The following SEMA3C variants were observed in gnomAD, a reference collection of about 807,000 sequenced individuals.
SEMA3C encodes the protein semaphorin 3C, also known as semaphorin-3C.
In SEMA3C, 47 loss-of-function variants were observed where a neutral mutation model predicts 89.4. The observed-to-expected ratio is 0.53, with a 90% CI of 0.42 to 0.67. SEMA3C has a LOEUF of 0.67. Ranked by LOEUF, SEMA3C falls within the 30% of genes least tolerant of loss-of-function variation. The probability of loss-of-function intolerance (pLI) is 0.00; values close to 1 mark genes in which losing one functional copy is unlikely to be tolerated. For synonymous variants in SEMA3C, 310 were observed against 320.2 expected, an observed-to-expected ratio of 0.97 and a Z score of 0.34; for missense variants, 839 against 929.1, an observed-to-expected ratio of 0.90 and a Z score of 1.26.
chr7:80,763,425 C>T (rs1788229633), intron 13 of SEMA3C, among the ~76,000 whole-genome samples: 1 of 152,160 alleles, frequency 6.6e-6, no homozygotes, highest in Non-Finnish European at 1.5e-5. Flanking sequence ...ATATCAATCA[C>T]TGGCACACAC....
intron 17 of SEMA3C, among the ~76,000 whole-genome samples, chr7:80,745,929 G>A (rs142674781): frequency 6.6e-6 from 1 of 152,132 alleles, no homozygotes; most frequent in Non-Finnish European, 1.5e-5. Flanking sequence ...CCTCTAAGTG[G>A]TTTTACTTTA....
chr7:80,773,204 T>C (rs1281031700), intron 12 of SEMA3C, among the ~76,000 whole-genome samples: 2 of 152,178 alleles, frequency 1.3e-5, no homozygotes, highest in East Asian at 1.9e-4. Flanking sequence ...TATTAAATTA[T>C]TGACTTACTT....
intron 2 of SEMA3C, among the ~76,000 whole-genome samples, chr7:80,903,551 A>G (rs528178457): frequency 5.9e-5 from 9 of 152,170 alleles, no homozygotes; most frequent in African/African-American, 2.2e-4. Context: ...ATTTCCAGCT[A>G]CTCAGGAGGC....
chr7:80,877,315 A>G (rs1450831952), intron 2 of SEMA3C, among the ~76,000 whole-genome samples: 1 of 152,140 alleles, frequency 6.6e-6, no homozygotes, highest in Non-Finnish European at 1.5e-5. Context: ...AAGTGCCCTA[A>G]TTTATTATCT....
chr7:80,841,249 A>C (rs1333452311), intron 2 of SEMA3C, among the ~76,000 whole-genome samples: 1 of 152,196 alleles, frequency 6.6e-6, no homozygotes, highest in Non-Finnish European at 1.5e-5. Flanking sequence ...AGATTGCTTC[A>C]TGATACAATA....
intron 2 of SEMA3C, among the ~76,000 whole-genome samples, chr7:80,832,612 C>T (rs1790032880): frequency 6.6e-6 from 1 of 152,076 alleles, no homozygotes; most frequent in Non-Finnish European, 1.5e-5. Flanking sequence ...TAAAAACTGG[C>T]ACACACAAAA....
chr7:80,872,715 C>A (rs757360405), intron 2 of SEMA3C, among the ~76,000 whole-genome samples: 4 of 147,926 alleles, frequency 2.7e-5, no homozygotes, highest in African/African-American at 1.0e-4. Context: ...ACAGGAGAAT[C>A]GCTTGAACCC....
In SEMA3C at chr7:80,748,897, C is replaced by T; in HGVS notation, c.1842+1G>A. The T allele has an allele frequency of 1.2e-6, 2 of 1,609,778 alleles. No homozygotes were observed. The highest frequency in any genetic ancestry group is 1.7e-6 in the Non-Finnish European group (2 of 1,178,252). On this transcript the variant is annotated splice_donor_variant, in intron 17 of 17. Transcript: ENST00000265361. LOFTEE classifies it high-confidence loss of function. ...GATTGCTGCTGTGCTGCTTTACTCA[C>T]CTCTTTCCTCCTGTCTTTGTCTTTC...
chr7:80,884,821 G>A (rs1791434617), intron 2 of SEMA3C, among the ~76,000 whole-genome samples: 1 of 152,202 alleles, frequency 6.6e-6, no homozygotes, highest in Non-Finnish European at 1.5e-5. Context: ...TCACAAGATT[G>A]TGATAACAAA....
At chr7:80,901,259 TA>T (rs1361264258) in intron 2 of SEMA3C, among the ~76,000 whole-genome samples, 4 of 152,142 alleles carry the variant, frequency 2.6e-5, no homozygotes, top group Non-Finnish European at 4.4e-5. Context: ...CTGTGAAAAA[TA>T]AAAACTATCC....
At chr7:80,869,651 T>C (rs1791010963) in intron 2 of SEMA3C, among the ~76,000 whole-genome samples, 2 of 152,196 alleles carry the variant, frequency 1.3e-5, no homozygotes, top group Non-Finnish European at 2.9e-5. Context: ...GCTTTTTGAT[T>C]AACATGTTTT....
intron 12 of SEMA3C, among the ~76,000 whole-genome samples, chr7:80,768,833 T>C (rs1788364614): frequency 6.6e-6 from 1 of 152,190 alleles, no homozygotes. Flanking sequence ...TGTGTGTGCA[T>C]ATACGTTCCT....
intron 15 of SEMA3C, among the ~76,000 whole-genome samples, chr7:80,757,405 C>T (rs745924924): frequency 3.9e-5 from 6 of 152,174 alleles, no homozygotes; most frequent in Non-Finnish European, 7.4e-5. Flanking sequence ...AGTTTCCCAC[C>T]TAGAATTCTA....
At chr7:80,891,955 C>A (rs950661723) in intron 2 of SEMA3C, among the ~76,000 whole-genome samples, 5 of 152,024 alleles carry the variant, frequency 3.3e-5, no homozygotes, top group African/African-American at 1.2e-4. Context: ...TATTTTCTTT[C>A]CCATTATTTT....
intron 16 of SEMA3C, among the ~76,000 whole-genome samples, chr7:80,750,399 G>A (rs1787896578): frequency 7.5e-6 from 1 of 133,834 alleles, no homozygotes; most frequent in South Asian, 2.4e-4. Context: ...TGGATGAATG[G>A]ATAAACAAAA....
chr7:80,808,793 A>T (rs1362248935), intron 6 of SEMA3C, among the ~76,000 whole-genome samples: 2 of 152,284 alleles, frequency 1.3e-5, no homozygotes, highest in East Asian at 3.9e-4. Flanking sequence ...GACAACTCAG[A>T]GACAGAGTTT....
chr7:80,777,439 G>A (rs894872174), intron 12 of SEMA3C, among the ~76,000 whole-genome samples: 5 of 152,020 alleles, frequency 3.3e-5, no homozygotes, highest in African/African-American at 7.2e-5. Flanking sequence ...TTACAGATGC[G>A]TGCCACCACG....
chr7:80,756,671 G>A (rs6978637), intron 15 of SEMA3C, among the ~76,000 whole-genome samples: 42,715 of 151,930 alleles, frequency 0.28, 10,530 homozygotes, highest in African/African-American at 0.65. Flanking sequence ...CTAGCTTTAG[G>A]GCTGTTTCTT....
At chr7:80,755,727 C>T (rs919369830) in intron 15 of SEMA3C, among the ~76,000 whole-genome samples, 3 of 151,968 alleles carry the variant, frequency 2.0e-5, no homozygotes, top group African/African-American at 4.8e-5. Flanking sequence ...AATCTAATAT[C>T]ACTACTATCA....
Sources: gnomAD v4.1 joint callset for allele counts (sites outside exome capture counted in the v4.1 genomes callset) on GRCh38, gnomAD v4.1.1 for gene constraint, MANE v1.5 for transcripts, NCBI Gene and HGNC (gene_info 2026-07-23, HGNC 2026-07-21) for gene names.